The following LDLRAD4 variants were observed in gnomAD, a reference collection of about 807,000 sequenced individuals.
LDLRAD4 encodes the protein low density lipoprotein receptor class A domain containing 4.
LDLRAD4 carries 5 observed loss-of-function variants against 17.0 expected under a neutral mutation model. That is an observed-to-expected ratio of 0.29 (90% CI 0.15 to 0.62). The LOEUF (loss-of-function observed/expected upper bound fraction) is 0.62, where lower values mean the gene tolerates loss of function less well. Among genes scored for constraint, LDLRAD4 ranks in the 20% least tolerant of loss-of-function variants. The pLI, the probability that LDLRAD4 is intolerant of heterozygous loss-of-function variation, is 0.84. For synonymous variants in LDLRAD4, 168 were observed against 171.8 expected, an observed-to-expected ratio of 0.98 and a Z score of 0.17; for missense variants, 340 against 424.7, an observed-to-expected ratio of 0.80 and a Z score of 1.75.
intron 1 of LDLRAD4, among the ~76,000 whole-genome samples, chr18:13,357,888 A>T (rs535397639): frequency 4.6e-5 from 7 of 152,288 alleles, no homozygotes; most frequent in Non-Finnish European, 7.4e-5. Context: ...TTTACATATA[A>T]TTATGAACTC....
chr18:13,504,831 C>T (rs918154489), intron 3 of LDLRAD4, among the ~76,000 whole-genome samples: 1 of 152,194 alleles, frequency 6.6e-6, no homozygotes, highest in African/African-American at 2.4e-5. Context: ...GCCATTCCCA[C>T]AGACATGCCC....
chr18:13,220,396 G>A (rs943287927), intron 1 of LDLRAD4, among the ~76,000 whole-genome samples: 1 of 152,194 alleles, frequency 6.6e-6, no homozygotes, highest in African/African-American at 2.4e-5. Context: ...TTACATTGGA[G>A]AAGACTCTTC....
In LDLRAD4 at chr18:13,645,289, G is replaced by A. The variant is rs753186606; in HGVS notation, c.553G>A (p.Gly185Arg). The change falls in exon 6 of 6, where the codon GGG (glycine) becomes AGG (arginine). Residue 185 changes from glycine (G) to arginine (R), a missense_variant. Physicochemically the swap from Gly to Arg is moderately radical, Grantham distance 125. Transcript: ENST00000359446. This position sits in a 1 kb window ranked among gnomAD's most constrained non-coding sequence, Gnocchi z 5.7. ...CGGTGAAGAGCCACCTCCTTACCAGGGGCCCTGCACCCTGCAGCTCCGGGA... is the reference window on the plus strand; with the variant it reads ...CGGTGAAGAGCCACCTCCTTACCAGAGGCCCTGCACCCTGCAGCTCCGGGA... 3 of 1,614,110 alleles carry A rather than the reference G, an allele frequency of 1.9e-6. No individual in the cohort carries two copies. The highest frequency in any genetic ancestry group is 1.6e-4 in the Middle Eastern group (1 of 6,062).
intron 4 of LDLRAD4, among the ~76,000 whole-genome samples, chr18:13,634,210 CCAGAGCAATT>C (rs2041903183): frequency 1.3e-5 from 2 of 152,092 alleles, no homozygotes. Context: ...GACATTCTAG[CCAGAGCAATT>C]AGGCAAGAAA....
At chr18:13,257,838 C>T (rs11659870) in intron 1 of LDLRAD4, among the ~76,000 whole-genome samples, 57,802 of 152,098 alleles carry the variant, frequency 0.38, 12,836 homozygotes, top group East Asian at 0.53. Context: ...ATGTGTCTGT[C>T]GTGCCCAGGT....
chr18:13,543,530 T>C lies in LDLRAD4; in HGVS notation c.182-77587T>C, dbSNP rs2094316067. The C allele has an allele frequency of 2.0e-5, 3 of 152,240 alleles. No individual in the cohort carries two copies. In the South Asian group the frequency reaches 6.2e-4, roughly 32 times the overall value. 9.4% of individuals were successfully genotyped at this position (152,240 alleles called of 1,614,324 possible). ...CCTGAAGGAGGTTTAACAAGCTGAATTGAAGAATAATACCTTTCTCAACTG... is the reference window on the plus strand; with the variant it reads ...CCTGAAGGAGGTTTAACAAGCTGAACTGAAGAATAATACCTTTCTCAACTG... On this transcript the variant is annotated intron_variant, in intron 3 of 5. Coordinates refer to ENST00000359446, the Ensembl canonical transcript of LDLRAD4.
intron 1 of LDLRAD4, among the ~76,000 whole-genome samples, chr18:13,348,993 A>G (rs2082878926): frequency 6.6e-6 from 1 of 152,174 alleles, no homozygotes; most frequent in African/African-American, 2.4e-5. Flanking sequence ...TTGACTAGGA[A>G]AGGGAATTCC....
At position 13,622,288 on chromosome 18, in the gene LDLRAD4, C is replaced by G. The variant is rs927231592; in HGVS notation, c.336+1017C>G. Among the ~76,000 whole-genome samples the G allele has an allele frequency of 1.1e-4, 17 of 152,178 alleles. No individual in the cohort carries two copies. Among genetic ancestry groups the G allele is most frequent in the Admixed American group, 1.1e-3 (17 of 15,278 alleles). ...TCACTAGGATCATTGGTGCAGCCAT[C>G]CATATGGGCAGAGCTGAGGTTTGCT... On this transcript the variant is annotated intron_variant, in intron 4 of 5. Coordinates refer to ENST00000359446, the Ensembl canonical transcript of LDLRAD4. The surrounding 1 kb of genome is among the most constrained non-coding windows in gnomAD (Gnocchi z 5.3).
intron 3 of LDLRAD4, among the ~76,000 whole-genome samples, chr18:13,523,314 TA>T (rs1425128111): frequency 1.3e-5 from 2 of 152,144 alleles, no homozygotes; most frequent in African/African-American, 4.8e-5. Flanking sequence ...GGTGAGTCTT[TA>T]GGGGGGACAT....
At chr18:13,466,131 G>A (rs2092608233) in intron 3 of LDLRAD4, among the ~76,000 whole-genome samples, 1 of 152,142 alleles carries the variant, frequency 6.6e-6, no homozygotes. Context: ...GTAACACATA[G>A]TTTGCAATTA....
intron 1 of LDLRAD4, among the ~76,000 whole-genome samples, chr18:13,227,083 AATT>A (rs2041850852): frequency 6.6e-6 from 1 of 152,176 alleles, no homozygotes; most frequent in South Asian, 2.1e-4. Context: ...GCAGACAGAA[AATT>A]CATGATCCTC....
chr18:13,606,457 A>T (rs908235171), intron 3 of LDLRAD4, among the ~76,000 whole-genome samples: 2 of 152,210 alleles, frequency 1.3e-5, no homozygotes, highest in Non-Finnish European at 2.9e-5. Context: ...AATCCGCATT[A>T]TTGGCTTGCT....
rs2094199156 is a variant in LDLRAD4, at chr18:13,536,229, A to G, written c.182-84888A>G. 2.0e-5 allele frequency among the ~76,000 whole-genome samples: 3 copies of G among 152,164 alleles called. No individual in the cohort carries two copies. In the South Asian group the frequency reaches 6.2e-4, roughly 32 times the overall value. ...CACTGAATTGAAAGATTAATTTAGGAAGAATTTCCATCTTAATAATAGTGA... is the reference window on the plus strand; with the variant it reads ...CACTGAATTGAAAGATTAATTTAGGGAGAATTTCCATCTTAATAATAGTGA... On this transcript the variant is annotated intron_variant, in intron 3 of 5. Transcript: ENST00000359446.
intron 3 of LDLRAD4, among the ~76,000 whole-genome samples, chr18:13,502,886 C>G (rs576244336): frequency 6.6e-6 from 1 of 152,218 alleles, no homozygotes; most frequent in African/African-American, 2.4e-5. Flanking sequence ...GGCTGGGATC[C>G]CAGTTGTTGG....
chr18:13,455,995 A>G (rs2092112775), intron 3 of LDLRAD4, among the ~76,000 whole-genome samples: 1 of 152,076 alleles, frequency 6.6e-6, no homozygotes, highest in Non-Finnish European at 1.5e-5. Context: ...AGCGCCCGCC[A>G]TGTCCCGCGC....
intron 3 of LDLRAD4, among the ~76,000 whole-genome samples, chr18:13,457,969 C>G (rs910203653): frequency 6.6e-6 from 1 of 152,190 alleles, no homozygotes. Flanking sequence ...CATGAATGGT[C>G]TTGGAAAATG....
chr18:13,393,035 G>A (rs55711778), intron 2 of LDLRAD4, among the ~76,000 whole-genome samples: 63,973 of 151,928 alleles, frequency 0.42, 14,753 homozygotes, highest in Non-Finnish European at 0.52. Flanking sequence ...AGTGAAGGAT[G>A]TAGGCTTGCT....
chr18:13,594,665 C>CAAAAAAAAAAAAAAAAAAAAAAAAAAAA (rs56035558), intron 3 of LDLRAD4, among the ~76,000 whole-genome samples: 1 of 29,596 alleles, frequency 3.4e-5, no homozygotes, highest in African/African-American at 8.7e-5. Flanking sequence ...GATTCCATCT[C>CAAAAAAAAAAAAAAAAAAAAAAAAAAAA]AAAAAAAAAA....
At chr18:13,633,334 G>A (rs1407364235) in intron 4 of LDLRAD4, among the ~76,000 whole-genome samples, 1 of 152,246 alleles carries the variant, frequency 6.6e-6, no homozygotes, top group Non-Finnish European at 1.5e-5. Flanking sequence ...AGAACTGACA[G>A]CTTGGCCCCC....
Sources: allele counts gnomAD v4.1 joint callset (sites outside exome capture counted in the v4.1 genomes callset), GRCh38; gene constraint gnomAD v4.1.1; non-coding constraint Gnocchi (gnomAD v3.1); transcripts MANE v1.5; gene names NCBI Gene and HGNC (gene_info 2026-07-23, HGNC 2026-07-21).